MEF2A: variants seen among roughly 807,000 people sequenced by gnomAD.
The protein encoded by MEF2A is myocyte enhancer factor 2A, also known as myocyte-specific enhancer factor 2A.
A neutral mutation model predicts 55.8 loss-of-function variants in MEF2A; 28 were observed. The observed-to-expected ratio is 0.50, with a 90% CI of 0.37 to 0.69. The LOEUF is 0.69. Among genes scored for constraint, MEF2A ranks in the 30% least tolerant of loss-of-function variants. MEF2A has a pLI of 0.00. For synonymous variants in MEF2A, 239 were observed against 227.1 expected (o/e 1.05, Z -0.47); for missense variants, 528 against 626.2 (o/e 0.84, Z 1.67).
chr15:99,586,890 C>CTT (rs1967485223), intron 1 of MEF2A, among the ~76,000 whole-genome samples: 2 of 152,082 alleles, frequency 1.3e-5, no homozygotes, highest in Non-Finnish European at 2.9e-5. Context: ...TAAGGTTTTT[C>CTT]TTTTCCCCTT....
At chr15:99,614,374 TCACCG>T (rs1014988106) in intron 2 of MEF2A, among the ~76,000 whole-genome samples, 1 of 152,052 alleles carries the variant, frequency 6.6e-6, no homozygotes, top group Non-Finnish European at 1.5e-5. Flanking sequence ...CAGGCGTGAG[TCACCG>T]CGCCAAGCCC....
rs554077925 is a variant in MEF2A, at chr15:99,674,486, G to C, written c.484G>C (p.Val162Leu). Residue 162 changes from valine (V) to leucine (L), a missense_variant, in exon 6 of 12, where the codon GTG becomes CTG. Physicochemically the swap from Val to Leu is conservative, Grantham distance 32. Around this residue, in one of 2 missense-constraint regions of MEF2A, gnomAD observed 450 missense variants for 475.3 expected, o/e 0.95. Coordinates refer to ENST00000557942, the MANE Select transcript of MEF2A (RefSeq NM_001319206.4). ...CTACACTAACCCAGGGAGTTCACTG[G>C]TGTCCCCATCTTTGGCAGCCAGCTC... Reference protein sequence around the residue: ...LSYTNPGSSLVSPSLAASSTL... With the variant: ...LSYTNPGSSLLSPSLAASSTL... 1.5e-5 allele frequency: 25 copies of C among 1,613,802 alleles called. No homozygotes were observed. Among genetic ancestry groups the C allele is most frequent in the Non-Finnish European group, 2.1e-5 (25 of 1,179,890 alleles).
chr15:99,612,503 C>A (rs1055765701), intron 2 of MEF2A, among the ~76,000 whole-genome samples: 2 of 152,214 alleles, frequency 1.3e-5, no homozygotes, highest in African/African-American at 2.4e-5. Context: ...TATTTAAACT[C>A]AATTTAAAAA....
chr15:99,636,437 T>G (rs2043853781), intron 3 of MEF2A, among the ~76,000 whole-genome samples: 1 of 152,160 alleles, frequency 6.6e-6, no homozygotes, highest in Non-Finnish European at 1.5e-5. Context: ...ACTCAAACTT[T>G]TGGGCTCAAG....
chr15:99,622,702 C>CTTTCTTTTTTT (rs1555461506), intron 2 of MEF2A, among the ~76,000 whole-genome samples: 1 of 135,700 alleles, frequency 7.4e-6, no homozygotes, highest in Non-Finnish European at 1.6e-5. Flanking sequence ...GTTTTCTTTT[C>CTTTCTTTTTTT]TTTTTTTTTT....
chr15:99,629,585 G>GA (rs1369366253), intron 2 of MEF2A, among the ~76,000 whole-genome samples: 1 of 152,018 alleles, frequency 6.6e-6, no homozygotes, highest in Non-Finnish European at 1.5e-5. Context: ...ATAAGGAAAG[G>GA]AATGTGAGCT....
At chr15:99,671,182 A>T in intron 4 of MEF2A, 141 bp from the exon 5 acceptor site, 1 of 747,718 alleles carries the variant, frequency 1.3e-6, no homozygotes, top group Non-Finnish European at 2.1e-6. Flanking sequence ...AGAAGTAAGT[A>T]CATTTGTGAT....
intron 2 of MEF2A, among the ~76,000 whole-genome samples, chr15:99,616,557 T>A (rs1346610275): frequency 6.6e-6 from 1 of 152,218 alleles, no homozygotes; most frequent in Non-Finnish European, 1.5e-5. Context: ...TACTAAAAAT[T>A]AATAAGAGGC....
intron 2 of MEF2A, among the ~76,000 whole-genome samples, chr15:99,626,827 A>G (rs1475421934): frequency 1.3e-5 from 2 of 152,196 alleles, no homozygotes; most frequent in Non-Finnish European, 2.9e-5. Flanking sequence ...CTCAGGATCA[A>G]GACAAGCAAA....
intron 4 of MEF2A, among the ~76,000 whole-genome samples, chr15:99,658,068 G>A (rs1212635814): frequency 6.6e-6 from 1 of 152,032 alleles, no homozygotes; most frequent in Non-Finnish European, 1.5e-5. Context: ...AAGCATACAA[G>A]AAAACAAGGC....
chr15:99,706,878 C>CGTA (rs746090447), intron 10 of MEF2A, 23 bp downstream of exon 10: 2 of 1,609,064 alleles, frequency 1.2e-6, no homozygotes, highest in South Asian at 1.1e-5. Context: ...TGGTGCCTTC[C>CGTA]GTAGGTTTTA....
chr15:99,688,888 C>A (rs2054823530), intron 7 of MEF2A, among the ~76,000 whole-genome samples: 1 of 152,182 alleles, frequency 6.6e-6, no homozygotes, highest in Admixed American at 6.5e-5. Context: ...CATCCAGTCA[C>A]TGTGGTGAGC....
intron 7 of MEF2A, among the ~76,000 whole-genome samples, chr15:99,688,630 G>C (rs758159489): frequency 6.6e-6 from 1 of 152,070 alleles, no homozygotes; most frequent in Non-Finnish European, 1.5e-5. Context: ...GGTGGCGGGC[G>C]CCTGTAGTCC....
In MEF2A at chr15:99,596,804, C is replaced by G. The variant is rs531838034; in HGVS notation, c.-224-1626C>G. Among the ~76,000 whole-genome samples the G allele has an allele frequency of 3.9e-5, 6 of 152,302 alleles. No individual in the cohort carries two copies. In the East Asian group the frequency reaches 9.6e-4, roughly 24 times the overall value. ...GCAGGGCTGGATTATTGTTTGTGCA[C>G]CTAATCCATTGAGCAGTGTTCACTA... On this transcript the variant is annotated intron_variant, in intron 1 of 11. Coordinates refer to ENST00000557942, the MANE Select transcript of MEF2A (RefSeq NM_001319206.4).
intron 1 of MEF2A, among the ~76,000 whole-genome samples, chr15:99,580,442 C>T (rs551595636): frequency 7.9e-5 from 12 of 152,210 alleles, no homozygotes; most frequent in South Asian, 4.2e-4. Flanking sequence ...TTATCCTGCC[C>T]GTGCTAATAA....
In MEF2A at chr15:99,712,074, C is replaced by G. The variant is rs901304053; in HGVS notation, c.1137-316C>G. On this transcript the variant is annotated intron_variant, in intron 11 of 11. Coordinates refer to ENST00000557942, the MANE Select transcript of MEF2A (RefSeq NM_001319206.4). This position sits in a 1 kb window ranked among gnomAD's most constrained non-coding sequence, Gnocchi z 4.1. ...GCGGTGAGCAGATGAGGCTGCTGTTCCTCTGTCTTTCTGGTCCCTGCACAG... is the reference window on the plus strand; with the variant it reads ...GCGGTGAGCAGATGAGGCTGCTGTTGCTCTGTCTTTCTGGTCCCTGCACAG... Among the ~76,000 whole-genome samples, 1 of 152,196 alleles carries G rather than the reference C, an allele frequency of 6.6e-6. No homozygotes were observed. Among genetic ancestry groups the G allele is most frequent in the African/African-American group, 2.4e-5 (1 of 41,458 alleles).
intron 1 of MEF2A, among the ~76,000 whole-genome samples, chr15:99,571,197 AC>A (rs1281286539): frequency 1.6e-4 from 24 of 150,760 alleles, no homozygotes; most frequent in African/African-American, 4.4e-4. Flanking sequence ...AAAAAAAAAA[AC>A]AACAACAACA....
intron 1 of MEF2A, among the ~76,000 whole-genome samples, chr15:99,578,784 C>T (rs1386845837): frequency 6.6e-6 from 1 of 152,150 alleles, no homozygotes; most frequent in Non-Finnish European, 1.5e-5. Flanking sequence ...AGAGAAATAG[C>T]ATTCAAAAAC....
At chr15:99,591,800 T>C (rs1256094814) in intron 1 of MEF2A, among the ~76,000 whole-genome samples, 1 of 152,180 alleles carries the variant, frequency 6.6e-6, no homozygotes, top group African/African-American at 2.4e-5. Flanking sequence ...TTTGAGATAC[T>C]GCACTTTTTA....
Sources: gnomAD v4.1 joint callset for allele counts (sites outside exome capture counted in the v4.1 genomes callset) on GRCh38, gnomAD v4.1.1 for gene constraint, gnomAD v4.1.1 regional missense constraint, Gnocchi (gnomAD v3.1) non-coding constraint, MANE v1.5 for transcripts, NCBI Gene and HGNC (gene_info 2026-07-23, HGNC 2026-07-21) for gene names.